GLRA3: variants seen among roughly 807,000 people sequenced by gnomAD.
GLRA3 encodes the protein glycine receptor subunit alpha-3.
Under a neutral mutation model 60.4 loss-of-function variants are expected in GLRA3, and 44 were observed. The observed-to-expected ratio is 0.73, with a 90% CI of 0.57 to 0.94. The LOEUF (loss-of-function observed/expected upper bound fraction) is 0.94, where lower values mean the gene tolerates loss of function less well. Among genes scored for constraint, GLRA3 ranks in the 40% least tolerant of loss-of-function variants. GLRA3 has a pLI of 0.00. For missense variants in GLRA3, 508 were observed against 564.6 expected (o/e 0.90, Z 1.02); for synonymous variants, 223 against 192.9 (o/e 1.16, Z -1.29).
chr4:174,708,711 T>C (rs1284180929), intron 5 of GLRA3, among the ~76,000 whole-genome samples: 4 of 151,210 alleles, frequency 2.6e-5, no homozygotes, highest in Admixed American at 2.6e-4. Context: ...GAAGTAGTAA[T>C]AGTTTATGCA....
At position 174,650,241 on chromosome 4, in the gene GLRA3, T is replaced by C. The variant is rs543576133; in HGVS notation, c.1117-6177A>G. On this transcript the variant is annotated intron_variant, in intron 9 of 9. Transcript: ENST00000274093. ...AAAAACTTGTGGCACTGTTAAAATT[T>C]GGCAGGTACATTTTGGATTTCTGTT... 7.0e-4 allele frequency among the ~76,000 whole-genome samples: 107 copies of C among 152,306 alleles called. 2 individuals are homozygous for C. Among genetic ancestry groups the C allele is most frequent in the Non-Finnish European group, 3.1e-4 (21 of 68,026 alleles).
Position 174,661,333 on chromosome 4 carries a change from A to G in GLRA3, c.928-2136T>C, listed in dbSNP as rs543728411. 3.3e-5 allele frequency among the ~76,000 whole-genome samples: 5 copies of G among 152,296 alleles called. No individual in the cohort carries two copies. In the South Asian group the frequency reaches 6.2e-4, roughly 19 times the overall value. Reference sequence around the variant, plus strand: ...TAGCCTATACCCTTTCTATATATGCAAAATTTTTCTCTAAAAGTGGAAAAC... The same window carrying G: ...TAGCCTATACCCTTTCTATATATGCGAAATTTTTCTCTAAAAGTGGAAAAC... On this transcript the variant is annotated intron_variant, in intron 7 of 9. Coordinates refer to ENST00000274093, the MANE Select transcript of GLRA3 (RefSeq NM_006529.4).
Position 174,821,695 on chromosome 4 carries a change from A to G in GLRA3, c.71+7046T>C, listed in dbSNP as rs58482861. 2.9e-3 allele frequency among the ~76,000 whole-genome samples: 445 copies of G among 152,292 alleles called. 5 individuals are homozygous for G. Among genetic ancestry groups the G allele is most frequent in the African/African-American group, 0.01 (424 of 41,584 alleles). On this transcript the variant is annotated intron_variant, in intron 1 of 9. Transcript: ENST00000274093. ...AGTTGAGAAATATACATTACATTACACAATACAAATGCATTACACAATACA... is the reference window on the plus strand; with the variant it reads ...AGTTGAGAAATATACATTACATTACGCAATACAAATGCATTACACAATACA...
intron 7 of GLRA3, among the ~76,000 whole-genome samples, chr4:174,671,069 TA>T (rs1235453025): frequency 6.6e-6 from 1 of 152,106 alleles, no homozygotes; most frequent in Admixed American, 6.5e-5. Flanking sequence ...CATGAACATT[TA>T]AAAAATTTAG....
At chr4:174,789,059 C>T in intron 1 of GLRA3, 116 bp from the exon 2 acceptor site, 1 of 599,354 alleles carries the variant, frequency 1.7e-6, no homozygotes, top group Non-Finnish European at 2.9e-6. Flanking sequence ...AAACATAAAC[C>T]TTTAGATATC....
chr4:174,802,503 T>C (rs1739853799), intron 1 of GLRA3, among the ~76,000 whole-genome samples: 1 of 152,134 alleles, frequency 6.6e-6, no homozygotes, highest in South Asian at 2.1e-4. Flanking sequence ...TAATTCTTGT[T>C]TTTTTGTGCA....
At chr4:174,786,214 T>C (rs75326203) in intron 2 of GLRA3, among the ~76,000 whole-genome samples, 2,095 of 152,234 alleles carry the variant, frequency 0.014, 55 homozygotes, top group African/African-American at 0.047. Context: ...AATTAGTTCA[T>C]TTGATGAGCT....
At chr4:174,806,761 A>G (rs983134020) in intron 1 of GLRA3, among the ~76,000 whole-genome samples, 1 of 152,028 alleles carries the variant, frequency 6.6e-6, no homozygotes, top group African/African-American at 2.4e-5. Context: ...GAGTCCTGGA[A>G]TCAATCCCTT....
intron 5 of GLRA3, among the ~76,000 whole-genome samples, chr4:174,685,231 TG>T (rs1322492296): frequency 1.3e-5 from 2 of 152,062 alleles, no homozygotes; most frequent in African/African-American, 4.8e-5. Flanking sequence ...CCCCAATACC[TG>T]GGAAAAACTC....
intron 5 of GLRA3, among the ~76,000 whole-genome samples, chr4:174,685,266 C>G (rs1001549600): frequency 6.6e-6 from 1 of 152,142 alleles, no homozygotes; most frequent in Non-Finnish European, 1.5e-5. Context: ...GAAATCTGCT[C>G]CAGCTGTGGT....
At position 174,813,064 on chromosome 4, in the gene GLRA3, G is replaced by T. The variant is rs560836208; in HGVS notation, c.71+15677C>A. Among the ~76,000 whole-genome samples, 8 of 152,222 alleles carry T rather than the reference G, an allele frequency of 5.3e-5. No individual in the cohort carries two copies. In the South Asian group the frequency reaches 8.3e-4, roughly 16 times the overall value. ...TTCAACATGTAAAGAAAATGGTTCA[G>T]AAATATAAGTGAAAAATATAAGCCA... On this transcript the variant is annotated intron_variant, in intron 1 of 9. Transcript: ENST00000274093.
In GLRA3 at chr4:174,682,858, T is replaced by A; in HGVS notation, c.656A>T (p.Gln219Leu). 1 of 1,612,252 alleles carries A rather than the reference T, an allele frequency of 6.2e-7. No homozygotes were observed. The highest frequency in any genetic ancestry group is 8.5e-7 in the Non-Finnish European group (1 of 1,178,296). ...VQVAEGLTLPQFLLKEEKDLR... is the reference protein window; with the variant it reads ...VQVAEGLTLPLFLLKEEKDLR... ...ATCTTTTTCTTCTTTCAACAGAAAC[T>A]GGGGCAAAGTGAGTCCTTCTGCCAC... Residue 219 changes from glutamine (Q) to leucine (L), a missense_variant, in exon 6 of 10, where the codon CAG becomes CTG. By Grantham distance (113) the Gln-to-Leu change is moderately radical. Around this residue, in one of 3 missense-constraint regions of GLRA3, gnomAD observed 329 missense variants for 349.3 expected, o/e 0.94. Transcript: ENST00000274093.
At chr4:174,763,586 A>G (rs1026675082) in intron 3 of GLRA3, among the ~76,000 whole-genome samples, 1 of 152,160 alleles carries the variant, frequency 6.6e-6, no homozygotes, top group Admixed American at 6.6e-5. Context: ...GTTAGACCCA[A>G]CTTAACAAAT....
chr4:174,741,466 C>A (rs1361863719), intron 3 of GLRA3, among the ~76,000 whole-genome samples: 2 of 152,040 alleles, frequency 1.3e-5, no homozygotes, highest in Non-Finnish European at 2.9e-5. Flanking sequence ...TTCTTTATAA[C>A]TATTCTGGAT....
chr4:174,643,740 C>A lies in GLRA3; in HGVS notation c.*46G>T. 1 of 1,584,540 alleles carries A rather than the reference C, an allele frequency of 6.3e-7. No individual in the cohort carries two copies. Among genetic ancestry groups the A allele is most frequent in the South Asian group, 1.2e-5 (1 of 86,398 alleles). ...TACACATACACACCTATGGCAGAGA[C>A]ACTTTCTTCTGAATTGACCATTTGC... is the stretch of plus-strand genomic sequence containing the variant. On this transcript the variant is annotated 3_prime_UTR_variant, in exon 10 of 10. Transcript: ENST00000274093.
chr4:174,636,950 G>T lies in GLRA3; in HGVS notation c.*6836C>A, dbSNP rs867280187. The T allele has an allele frequency of 6.6e-6, 1 of 151,956 alleles. No homozygotes were observed. Among genetic ancestry groups the T allele is most frequent in the Admixed American group, 6.6e-5 (1 of 15,244 alleles). The allele number at this position is 151,956 out of a possible 1,614,324, so 9.4% of individuals were successfully genotyped here. A position where few individuals can be genotyped will look rare whatever the true frequency, so the allele number is the denominator to read the frequency against. On this transcript the variant is annotated 3_prime_UTR_variant, in exon 10 of 10. Coordinates refer to ENST00000274093, the MANE Select transcript of GLRA3 (RefSeq NM_006529.4). ...GAAAAGTGTTCATTTTTATTGTTTCGGATCAAATTATCTATAGTTACATGT... is the reference window on the plus strand; with the variant it reads ...GAAAAGTGTTCATTTTTATTGTTTCTGATCAAATTATCTATAGTTACATGT...
intron 1 of GLRA3, among the ~76,000 whole-genome samples, chr4:174,808,528 C>A (rs761661593): frequency 6.6e-6 from 1 of 152,126 alleles, no homozygotes; most frequent in Non-Finnish European, 1.5e-5. Flanking sequence ...CCCTACTATA[C>A]TTTTAATCTT....
At chr4:174,752,246 G>A (rs114948520) in intron 3 of GLRA3, among the ~76,000 whole-genome samples, 1,891 of 152,218 alleles carry the variant, frequency 0.012, 21 homozygotes, top group Non-Finnish European at 0.019. Flanking sequence ...AAGACGGAGT[G>A]AGCAGAAAAA....
At chr4:174,683,575 T>C (rs1734440391) in intron 5 of GLRA3, among the ~76,000 whole-genome samples, 1 of 152,172 alleles carries the variant, frequency 6.6e-6, no homozygotes, top group Non-Finnish European at 1.5e-5. Flanking sequence ...GGTCTCAAAC[T>C]CCTGACCTCA....
Sources: allele counts gnomAD v4.1 joint callset (sites outside exome capture counted in the v4.1 genomes callset), GRCh38; gene constraint gnomAD v4.1.1; regional missense constraint gnomAD v4.1.1; transcripts MANE v1.5; gene names NCBI Gene and HGNC (gene_info 2026-07-23, HGNC 2026-07-21).